Variants in CDH13 observed in about 807,000 individuals in gnomAD.
The protein encoded by CDH13 is cadherin 13, also known as cadherin-13.
In CDH13, 24 loss-of-function variants were observed where a neutral mutation model predicts 63.8. The ratio of observed to expected loss-of-function variants is 0.38; its 90% CI spans 0.27 to 0.53. The LOEUF is 0.53. Ranked by LOEUF, CDH13 falls within the 20% of genes least tolerant of loss-of-function variation. CDH13 has a pLI of 0.85. For synonymous variants in CDH13, 503 were observed against 355.3 expected (o/e 1.42, Z -4.67); for missense variants, 1,049 against 903.1 (o/e 1.16, Z -2.07).
rs377627009 is a variant in CDH13 at position 83,016,398 on chromosome 16, A to G, written c.158-15612A>G. ...TTACAACCAAAAGGAGTCTGCTAAT[A>G]TTTTTTGATTGCCAACTCTCTTCTA... On this transcript the variant is annotated intron_variant, in intron 2 of 13. Transcript: ENST00000567109. Among the ~76,000 whole-genome samples the G allele has an allele frequency of 5.9e-5, 9 of 152,202 alleles. No homozygotes were observed. The East Asian group carries it at 1.2e-3, about 20-fold the overall frequency.
At chr16:83,505,654 C>T (rs1477963381) in intron 7 of CDH13, among the ~76,000 whole-genome samples, 3 of 149,696 alleles carry the variant, frequency 2.0e-5, no homozygotes, top group Non-Finnish European at 4.4e-5. Flanking sequence ...AGCGATTCTC[C>T]TGCCTCAGCC....
In CDH13 at chr16:82,757,192, C is replaced by T. The variant is rs570066588; in HGVS notation, c.46-101170C>T. Among the ~76,000 whole-genome samples, 8 of 152,324 alleles carry T rather than the reference C, an allele frequency of 5.3e-5. No homozygotes were observed. The South Asian group carries it at 1.7e-3, about 32-fold the overall frequency. ...TGTTTGTCTCTTGCTGCAGACTCCT[C>T]TAAGGCAGGGACCACTTTTCACCAC... On this transcript the variant is annotated intron_variant, in intron 1 of 13. Transcript: ENST00000567109.
chr16:83,602,127 A>C (rs1598354677), intron 7 of CDH13, among the ~76,000 whole-genome samples: 1 of 104,144 alleles, frequency 9.6e-6, no homozygotes, highest in African/African-American at 4.3e-5. Context: ...AAAAAAAAAA[A>C]AAAAAAAAAA....
At chr16:83,029,460 G>A (rs1916108352) in intron 2 of CDH13, among the ~76,000 whole-genome samples, 1 of 152,138 alleles carries the variant, frequency 6.6e-6, no homozygotes, top group Non-Finnish European at 1.5e-5. Context: ...CCACATAATG[G>A]AATACTCTAT....
chr16:83,004,396 A>C (rs1258777640), intron 2 of CDH13, among the ~76,000 whole-genome samples: 1 of 152,214 alleles, frequency 6.6e-6, no homozygotes, highest in Non-Finnish European at 1.5e-5. Flanking sequence ...TGCTACAAAA[A>C]CAGAAGCTTA....
At chr16:82,667,572 G>C (rs74028523) in intron 1 of CDH13, among the ~76,000 whole-genome samples, 1 of 144,250 alleles carries the variant, frequency 6.9e-6, no homozygotes, top group African/African-American at 2.9e-5. Flanking sequence ...CTTGGCAAGG[G>C]CGGAGAGGCT....
At chr16:82,815,896 A>G (rs1269462208) in intron 1 of CDH13, among the ~76,000 whole-genome samples, 5 of 152,218 alleles carry the variant, frequency 3.3e-5, no homozygotes, top group African/African-American at 1.2e-4. Flanking sequence ...TGTTGGGGAA[A>G]CGGAAAATGT....
At chr16:82,844,027 A>T (rs1037842837) in intron 1 of CDH13, among the ~76,000 whole-genome samples, 4 of 152,160 alleles carry the variant, frequency 2.6e-5, no homozygotes, top group Non-Finnish European at 5.9e-5. Context: ...TAAGCTTCTC[A>T]TGGGCTGTGG....
chr16:83,005,111 C>G (rs1472042532), intron 2 of CDH13, among the ~76,000 whole-genome samples: 3 of 152,140 alleles, frequency 2.0e-5, no homozygotes, highest in Non-Finnish European at 4.4e-5. Context: ...TAGTTTCTAA[C>G]TAAGTAGCCA....
chr16:83,329,317 C>G (rs1163480546), intron 5 of CDH13, among the ~76,000 whole-genome samples: 1 of 152,132 alleles, frequency 6.6e-6, no homozygotes, highest in African/African-American at 2.4e-5. Flanking sequence ...CCTCTGCTTG[C>G]TAGGTTCAAG....
intron 1 of CDH13, among the ~76,000 whole-genome samples, chr16:82,672,237 G>T (rs886723356): frequency 6.6e-6 from 1 of 152,124 alleles, no homozygotes; most frequent in Non-Finnish European, 1.5e-5. Flanking sequence ...CTATCTCATG[G>T]GGTTATTATA....
intron 2 of CDH13, among the ~76,000 whole-genome samples, chr16:82,922,458 G>A (rs2042185160): frequency 6.6e-6 from 1 of 152,156 alleles, no homozygotes; most frequent in Non-Finnish European, 1.5e-5. Context: ...AAGCAAACAT[G>A]AGTGTTGTTG....
At position 83,482,406 on chromosome 16, in the gene CDH13, T is replaced by C. The variant is rs181969275; in HGVS notation, c.782-4071T>C. Among the ~76,000 whole-genome samples the C allele has an allele frequency of 1.2e-3, 189 of 152,312 alleles. 1 individual carries two copies. Among genetic ancestry groups the C allele is most frequent in the Non-Finnish European group, 8.5e-4 (58 of 68,034 alleles). On this transcript the variant is annotated intron_variant, in intron 6 of 13. Coordinates refer to ENST00000567109, the MANE Select transcript of CDH13 (RefSeq NM_001257.5). ...TGGTGAGTGCTGCAGAGAGACACCC[T>C]CTCTTGGAGATTGATGCTGTAAGCG...
intron 6 of CDH13, among the ~76,000 whole-genome samples, chr16:83,485,297 T>C (rs2073860646): frequency 6.6e-6 from 1 of 152,220 alleles, no homozygotes; most frequent in African/African-American, 2.4e-5. Context: ...GTTTTTACTC[T>C]TTGCTGCCCA....
intron 11 of CDH13, among the ~76,000 whole-genome samples, chr16:83,770,721 C>T (rs573041894): frequency 6.6e-6 from 1 of 152,286 alleles, no homozygotes; most frequent in East Asian, 1.9e-4. Flanking sequence ...CATTTGTAAA[C>T]TGTCATGGTG....
At chr16:83,366,158 T>TA (rs2091253972) in intron 6 of CDH13, among the ~76,000 whole-genome samples, 1 of 152,314 alleles carries the variant, frequency 6.6e-6, no homozygotes, top group East Asian at 1.9e-4. Context: ...GGGATTTTTT[T>TA]AAAAAAGCAC....
chr16:83,326,425 CTTT>C (rs1241180598), intron 5 of CDH13, among the ~76,000 whole-genome samples: 4 of 126,606 alleles, frequency 3.2e-5, no homozygotes, highest in Non-Finnish European at 5.1e-5. Flanking sequence ...ACACTTGGTG[CTTT>C]TTTTTTTTTT....
chr16:83,596,658 G>A lies in CDH13; in HGVS notation c.961-5796G>A, dbSNP rs747234. On this transcript the variant is annotated intron_variant, in intron 7 of 13. Coordinates refer to ENST00000567109, the MANE Select transcript of CDH13 (RefSeq NM_001257.5). ...ACTCCGAGAGCTAGGAAATTAGGGG[G>A]TGACTTTCTGGAAAAGGCTCTGAGG... is the stretch of plus-strand genomic sequence containing the variant. Among the ~76,000 whole-genome samples the A allele has an allele frequency of 2.0e-3, 298 of 152,260 alleles. 2 individuals carry two copies. The highest frequency in any genetic ancestry group is 0.018 in the Admixed American group (273 of 15,290).
At chr16:83,486,377 G>A in intron 6 of CDH13, 100 bp from the exon 7 acceptor site, 1 of 861,552 alleles carries the variant, frequency 1.2e-6, no homozygotes, top group Non-Finnish European at 1.7e-6. Flanking sequence ...GGAAAGTGAT[G>A]GGCACACTGC....
Sources: allele counts gnomAD v4.1 joint callset (sites outside exome capture counted in the v4.1 genomes callset), GRCh38; gene constraint gnomAD v4.1.1; transcripts MANE v1.5; gene names NCBI Gene and HGNC (gene_info 2026-07-23, HGNC 2026-07-21).